The following SDK1 variants were observed in gnomAD, a reference collection of about 807,000 sequenced individuals.
SDK1 encodes the protein sidekick cell adhesion molecule 1, also known as protein sidekick-1.
In SDK1, 157 loss-of-function variants were observed where a neutral mutation model predicts 245.5. That is an observed-to-expected ratio of 0.64 (90% CI 0.56 to 0.73). The LOEUF (loss-of-function observed/expected upper bound fraction) is 0.73. SDK1 is among the 30% of genes least tolerant of loss of function. SDK1 has a pLI of 0.00. For synonymous variants in SDK1, 1,647 were observed against 1,278.5 expected, an observed-to-expected ratio of 1.29 and a Z score of -6.15; for missense variants, 3,583 against 3,002.3, an observed-to-expected ratio of 1.19 and a Z score of -4.52.
chr7:3,682,511 G>C (rs74712622), intron 4 of SDK1, among the ~76,000 whole-genome samples: 1 of 9,720 alleles, frequency 1.0e-4, no homozygotes, highest in South Asian at 1.9e-3. Flanking sequence ...AACTGTCCAG[G>C]GTCAGAACTC....
chr7:3,578,773 C>T (rs991138126), intron 1 of SDK1, among the ~76,000 whole-genome samples: 4 of 151,808 alleles, frequency 2.6e-5, no homozygotes, highest in African/African-American at 7.3e-5. Context: ...GCAGTCAGAC[C>T]TTATGGTTGT....
chr7:3,949,780 A>C (rs3735305), intron 5 of SDK1, among the ~76,000 whole-genome samples: 59,951 of 152,112 alleles, frequency 0.39, 13,053 homozygotes, highest in African/African-American at 0.59. Context: ...GAAGTACGAG[A>C]TAAATTATTT....
At chr7:3,365,553 T>A (rs1166204365) in intron 1 of SDK1, among the ~76,000 whole-genome samples, 3 of 152,254 alleles carry the variant, frequency 2.0e-5, no homozygotes, top group African/African-American at 2.4e-5. Context: ...TAGTGATTTC[T>A]TAATGATATC....
intron 14 of SDK1, among the ~76,000 whole-genome samples, chr7:3,989,919 C>T (rs966856209): frequency 2.0e-5 from 3 of 152,220 alleles, no homozygotes; most frequent in Non-Finnish European, 4.4e-5. Flanking sequence ...TCACTGTCAA[C>T]TGCCCAGGGT....
At chr7:4,226,172 C>G (rs80177929) in intron 40 of SDK1, among the ~76,000 whole-genome samples, 1,938 of 152,360 alleles carry the variant, frequency 0.013, 34 homozygotes, top group South Asian at 0.079. Context: ...GCAAGACGTT[C>G]TCCAGGTGGG....
intron 5 of SDK1, among the ~76,000 whole-genome samples, chr7:3,848,090 A>G (rs1476198691): frequency 6.6e-6 from 1 of 152,276 alleles, no homozygotes; most frequent in Non-Finnish European, 1.5e-5. Context: ...CAGTGACCAT[A>G]AACTTAAAAA....
At chr7:3,461,577 T>C (rs1780832490) in intron 1 of SDK1, among the ~76,000 whole-genome samples, 1 of 152,152 alleles carries the variant, frequency 6.6e-6, no homozygotes, top group African/African-American at 2.4e-5. Flanking sequence ...TGGATTAGAA[T>C]CCTCCGGTCA....
intron 5 of SDK1, among the ~76,000 whole-genome samples, chr7:3,850,056 C>G (rs1002201656): frequency 6.6e-6 from 1 of 152,190 alleles, no homozygotes; most frequent in Admixed American, 6.5e-5. Flanking sequence ...TCAGTCAAAA[C>G]TTGGAGGATG....
At chr7:3,496,676 CCTTT>C (rs939697908) in intron 1 of SDK1, among the ~76,000 whole-genome samples, 1 of 152,130 alleles carries the variant, frequency 6.6e-6, no homozygotes, top group Non-Finnish European at 1.5e-5. Context: ...TTATATGTCT[CCTTT>C]CTTTTTGATG....
intron 1 of SDK1, among the ~76,000 whole-genome samples, chr7:3,483,559 G>A (rs542168785): frequency 6.6e-6 from 1 of 152,072 alleles, no homozygotes; most frequent in African/African-American, 2.4e-5. Flanking sequence ...TTATCTTATT[G>A]CAATCCCTGC....
intron 40 of SDK1, among the ~76,000 whole-genome samples, chr7:4,226,351 C>T (rs1785445674): frequency 6.6e-6 from 1 of 152,212 alleles, no homozygotes; most frequent in Admixed American, 6.5e-5. Context: ...GAGTCTCTAC[C>T]TTGCCCCTGG....
chr7:3,884,059 T>C (rs1781274290), intron 5 of SDK1, among the ~76,000 whole-genome samples: 1 of 131,956 alleles, frequency 7.6e-6, no homozygotes, highest in South Asian at 2.3e-4. Flanking sequence ...TTTGTTTGTT[T>C]GTTTTTTGTT....
chr7:3,732,599 C>T (rs1344360531), intron 4 of SDK1, among the ~76,000 whole-genome samples: 1 of 152,156 alleles, frequency 6.6e-6, no homozygotes, highest in Non-Finnish European at 1.5e-5. Context: ...ATTGCATTGT[C>T]CTCGGGAAGC....
At chr7:3,967,251 C>A in intron 9 of SDK1, 67 bp from the exon 10 acceptor site, 1 of 1,250,096 alleles carries the variant, frequency 8.0e-7, no homozygotes, top group Non-Finnish European at 1.2e-6. Context: ...GTGCAGGATA[C>A]TCTGCCAGGC....
intron 4 of SDK1, among the ~76,000 whole-genome samples, chr7:3,710,131 A>G (rs1785007848): frequency 6.6e-6 from 1 of 152,238 alleles, no homozygotes; most frequent in African/African-American, 2.4e-5. Context: ...GCTTCAGGAC[A>G]GAGAATTGAT....
intron 5 of SDK1, among the ~76,000 whole-genome samples, chr7:3,893,913 C>T (rs1477173015): frequency 2.0e-5 from 3 of 152,230 alleles, no homozygotes; most frequent in East Asian, 3.9e-4. Flanking sequence ...AAGGATTTTA[C>T]AGGTTTACAC....
At chr7:3,587,738 C>T (rs7797872) in intron 1 of SDK1, among the ~76,000 whole-genome samples, 45,143 of 152,086 alleles carry the variant, frequency 0.3, 7,037 homozygotes, top group South Asian at 0.46. Flanking sequence ...CTGGGCACCC[C>T]GTGGCCCACT....
At chr7:3,868,613 C>A (rs1173802785) in intron 5 of SDK1, among the ~76,000 whole-genome samples, 1 of 152,136 alleles carries the variant, frequency 6.6e-6, no homozygotes, top group Non-Finnish European at 1.5e-5. Flanking sequence ...TAATTTTCTC[C>A]CACAATAATG....
At chr7:4,234,994 T>C (rs759490880) in intron 41 of SDK1, among the ~76,000 whole-genome samples, 3 of 152,168 alleles carry the variant, frequency 2.0e-5, no homozygotes, top group Admixed American at 6.5e-5. Context: ...ACTGCACTTG[T>C]TGAAATTGAA....
Sources: gnomAD v4.1 joint callset for allele counts (sites outside exome capture counted in the v4.1 genomes callset) on GRCh38, gnomAD v4.1.1 for gene constraint, MANE v1.5 for transcripts, NCBI Gene and HGNC (gene_info 2026-07-23, HGNC 2026-07-21) for gene names.